The following RBFOX3 variants were observed in gnomAD, a reference collection of about 807,000 sequenced individuals.
The protein encoded by RBFOX3 is RNA binding fox-1 homolog 3, also known as RNA binding protein fox-1 homolog 3.
A neutral mutation model predicts 48.7 loss-of-function variants in RBFOX3; 17 were observed. That is an observed-to-expected ratio of 0.35 (90% CI 0.24 to 0.52). RBFOX3 has a LOEUF of 0.52. Among genes scored for constraint, RBFOX3 ranks in the 20% least tolerant of loss-of-function variants. RBFOX3 has a pLI of 0.94. For missense variants in RBFOX3, 382 were observed against 497.5 expected, an observed-to-expected ratio of 0.77 and a Z score of 2.21; for synonymous variants, 212 against 209.5, an observed-to-expected ratio of 1.01 and a Z score of -0.10.
intron 4 of RBFOX3, among the ~76,000 whole-genome samples, chr17:79,183,944 G>A (rs565722742): frequency 6.6e-6 from 1 of 152,226 alleles, no homozygotes; most frequent in Non-Finnish European, 1.5e-5. Context: ...CCTGGCCTGG[G>A]GGGTCTGGAA....
intron 3 of RBFOX3, among the ~76,000 whole-genome samples, chr17:79,256,411 T>G (rs2064857800): frequency 6.6e-6 from 1 of 152,238 alleles, no homozygotes; most frequent in Admixed American, 6.5e-5. Context: ...AGAGTGAGGA[T>G]GGCACCACGC....
intron 2 of RBFOX3, among the ~76,000 whole-genome samples, chr17:79,452,779 G>T (rs144683921): frequency 2.0e-5 from 3 of 152,162 alleles, no homozygotes; most frequent in Non-Finnish European, 4.4e-5. Context: ...AAGCAGGCCC[G>T]GCAGGGTCAG....
chr17:79,295,091 C>G (rs1271709611), intron 3 of RBFOX3, among the ~76,000 whole-genome samples: 1 of 152,106 alleles, frequency 6.6e-6, no homozygotes, highest in East Asian at 1.9e-4. Flanking sequence ...GGGTCAGAGA[C>G]TCCATGTGAG....
rs1050421215 is a variant in RBFOX3, at chr17:79,363,975, G to A, written c.-174-56151C>T. On this transcript the variant is annotated intron_variant, in intron 2 of 14. Coordinates refer to ENST00000693108, the MANE Select transcript of RBFOX3 (RefSeq NM_001350451.2). This position sits in a 1 kb window ranked among gnomAD's most constrained non-coding sequence, Gnocchi z 4.7. ...CAAATCACAGCCTGTGCTCCACCAC[G>A]CCCTCCTTTTCCACCAGGCTTTATG... 4.6e-5 allele frequency among the ~76,000 whole-genome samples: 7 copies of A among 152,084 alleles called. No individual in the cohort carries two copies. The South Asian group carries it at 1.0e-3, about 23-fold the overall frequency.
At chr17:79,632,663 G>A in the RBFOX3 span, among the ~76,000 whole-genome samples, 11 of 151,910 alleles carry the variant, frequency 7.2e-5, no homozygotes, top group Non-Finnish European at 1.2e-4. Context: ...CAGCACTTCC[G>A]GAGGCTGAGG....
At chr17:79,506,718 G>A (rs2149793623) in intron 1 of RBFOX3, among the ~76,000 whole-genome samples, 1 of 152,340 alleles carries the variant, frequency 6.6e-6, no homozygotes, top group South Asian at 2.1e-4. Flanking sequence ...CTGGGGCCAA[G>A]GTGGGCTCAG....
intron 2 of RBFOX3, among the ~76,000 whole-genome samples, chr17:79,463,265 G>A (rs1347091571): frequency 7.9e-4 from 38 of 48,400 alleles, no homozygotes; most frequent in African/African-American, 2.4e-3. Flanking sequence ...CTCCACCATC[G>A]CCACTGCCAC....
At chr17:79,112,061 C>T (rs1299751966) in intron 5 of RBFOX3, among the ~76,000 whole-genome samples, 2 of 152,202 alleles carry the variant, frequency 1.3e-5, no homozygotes, top group Admixed American at 1.3e-4. Flanking sequence ...AGCAGAGACG[C>T]CCCTGCCCCA....
At chr17:79,197,747 A>G (rs937627422) in intron 4 of RBFOX3, among the ~76,000 whole-genome samples, 2 of 152,166 alleles carry the variant, frequency 1.3e-5, no homozygotes, top group African/African-American at 4.8e-5. Context: ...CCAGGGCTGC[A>G]GATGGTCGGG....
At chr17:79,315,142 A>G (rs1316077286) in intron 2 of RBFOX3, among the ~76,000 whole-genome samples, 1 of 152,202 alleles carries the variant, frequency 6.6e-6, no homozygotes, top group East Asian at 1.9e-4. Flanking sequence ...GTGGCTCTGT[A>G]GAATCTCACC....
chr17:79,304,338 G>GTA (rs1003018576), intron 3 of RBFOX3, among the ~76,000 whole-genome samples: 8 of 150,656 alleles, frequency 5.3e-5, no homozygotes, highest in East Asian at 1.9e-4. Context: ...AAATATATAT[G>GTA]TATATATATA....
intron 4 of RBFOX3, chr17:79,233,740 G>A (rs936492525): frequency 6.6e-6 from 1 of 152,028 alleles, no homozygotes; most frequent in African/African-American, 2.4e-5. Context: ...CCATGTAGCT[G>A]GGATTATAGG....
intron 1 of RBFOX3, among the ~76,000 whole-genome samples, chr17:79,500,525 G>C (rs1011099640): frequency 6.6e-6 from 1 of 152,142 alleles, no homozygotes; most frequent in Admixed American, 6.5e-5. Flanking sequence ...CCAAAGTGCT[G>C]GGATTAGAGG....
At chr17:79,626,357 C>T in the RBFOX3 span, among the ~76,000 whole-genome samples, 1 of 152,220 alleles carries the variant, frequency 6.6e-6, no homozygotes, top group African/African-American at 2.4e-5. Flanking sequence ...GAAAGCCTTC[C>T]TTCCCAGCTA....
chr17:79,348,077 T>C (rs1486550234), intron 2 of RBFOX3, among the ~76,000 whole-genome samples: 1 of 152,116 alleles, frequency 6.6e-6, no homozygotes, highest in African/African-American at 2.4e-5. Context: ...AGATCAGAGC[T>C]TCACCTTCCC....
At chr17:79,224,966 C>T (rs1010337986) in intron 4 of RBFOX3, among the ~76,000 whole-genome samples, 3 of 152,212 alleles carry the variant, frequency 2.0e-5, no homozygotes, top group African/African-American at 7.2e-5. Flanking sequence ...ATCATCATGC[C>T]TACTAAATGT....
Position 79,419,440 on chromosome 17 carries a change from G to A in RBFOX3, c.-175+63014C>T, listed in dbSNP as rs1399839057. On this transcript the variant is annotated intron_variant, in intron 2 of 14. Coordinates refer to ENST00000693108, the MANE Select transcript of RBFOX3 (RefSeq NM_001350451.2). ...ATGCAGGAGGTCAAACAGGAGCTTC[G>A]GAAGTGCATAGCAGGCAACGAGGAC... 2.6e-5 allele frequency among the ~76,000 whole-genome samples: 4 copies of A among 152,312 alleles called. No individual in the cohort carries two copies. The East Asian group carries it at 5.8e-4, about 22-fold the overall frequency.
chr17:79,100,592 TGGG>T lies in RBFOX3; in HGVS notation c.568+989_568+991del, dbSNP rs199542759. ...CTGACTCCACGTATGGCCGATCACATGGGGGGCCATGAGAGGCTGGGGGTGACA... is the reference window on the plus strand; with the variant it reads ...CTGACTCCACGTATGGCCGATCACATGGGCCATGAGAGGCTGGGGGTGACA... On this transcript the variant is annotated intron_variant, in intron 9 of 14. Transcript: ENST00000693108. Among the ~76,000 whole-genome samples, 731 of 152,100 alleles carry T rather than the reference TGGG, an allele frequency of 4.8e-3. 6 individuals carry two copies. The highest frequency in any genetic ancestry group is 0.017 in the African/African-American group (695 of 41,492).
chr17:79,537,117 C>CAAAAA (rs76938800), intron 1 of RBFOX3, among the ~76,000 whole-genome samples: 2 of 127,664 alleles, frequency 1.6e-5, no homozygotes, highest in Non-Finnish European at 3.4e-5. Context: ...AAACAAAAAA[C>CAAAAA]AAAAAAAAAA....
Sources: allele counts gnomAD v4.1 joint callset (sites outside exome capture counted in the v4.1 genomes callset), GRCh38; gene constraint gnomAD v4.1.1; non-coding constraint Gnocchi (gnomAD v3.1); transcripts MANE v1.5; gene names NCBI Gene and HGNC (gene_info 2026-07-23, HGNC 2026-07-21).